Variants in ATP10B observed in about 807,000 individuals in gnomAD.
The protein encoded by ATP10B is ATPase phospholipid transporting 10B (putative), also known as phospholipid-transporting ATPase VB.
In ATP10B, 122 loss-of-function variants were observed where a neutral mutation model predicts 141.2. That is an observed-to-expected ratio of 0.86 (90% CI 0.75 to 1.00). The LOEUF (loss-of-function observed/expected upper bound fraction) is 1.00. ATP10B is among the 50% of genes least tolerant of loss of function. The pLI is 0.00. For missense variants in ATP10B, 1,876 were observed against 1,825.3 expected, an observed-to-expected ratio of 1.03 and a Z score of -0.51; for synonymous variants, 685 against 692.0, an observed-to-expected ratio of 0.99 and a Z score of 0.16.
At chr5:160,620,990 G>A in intron 14 of ATP10B, 40 bp from the exon 15 acceptor site, 2 of 1,564,374 alleles carry the variant, frequency 1.3e-6, no homozygotes, top group South Asian at 1.2e-5. Flanking sequence ...TACTCTCAAT[G>A]TTGGAAATAA....
At chr5:160,804,953 C>T (rs140128784) in intron 1 of ATP10B, among the ~76,000 whole-genome samples, 145 of 152,226 alleles carry the variant, frequency 9.5e-4, no homozygotes, top group African/African-American at 3.5e-3. Context: ...ATTATGTGTA[C>T]CAAAAAATGG....
intron 1 of ATP10B, among the ~76,000 whole-genome samples, chr5:160,818,799 C>G (rs1376170352): frequency 6.6e-6 from 1 of 152,190 alleles, no homozygotes; most frequent in Non-Finnish European, 1.5e-5. Context: ...CACATGTACA[C>G]CATGGAATAC....
chr5:160,781,239 G>A (rs1015087252), intron 2 of ATP10B, among the ~76,000 whole-genome samples: 2 of 152,164 alleles, frequency 1.3e-5, no homozygotes, highest in Admixed American at 1.3e-4. Flanking sequence ...GGATGGTCTG[G>A]GTGAGGCCTA....
At chr5:160,634,004 C>G (rs1759139919) in intron 12 of ATP10B, 1 of 382,930 alleles carries the variant, frequency 2.6e-6, no homozygotes, top group Non-Finnish European at 5.0e-6. Context: ...TGAGAAATTC[C>G]TAAGCCTTGG....
At chr5:160,698,421 T>A (rs1400190272) in intron 3 of ATP10B, among the ~76,000 whole-genome samples, 1 of 152,222 alleles carries the variant, frequency 6.6e-6, no homozygotes, top group African/African-American at 2.4e-5. Flanking sequence ...ATTATAATTT[T>A]ATTCAAAGGC....
At position 160,716,997 on chromosome 5, in the gene ATP10B, T is replaced by C. The variant is rs548593228; in HGVS notation, c.-293A>G. On this transcript the variant is annotated 5_prime_UTR_variant, in exon 3 of 26. Coordinates refer to ENST00000327245, the MANE Select transcript of ATP10B (RefSeq NM_025153.3). ...GGAAGAGGGGGCAGATGTAGTACTTTAGCTGGGCAAATTGTTGATCAGAAT... is the reference window on the plus strand; with the variant it reads ...GGAAGAGGGGGCAGATGTAGTACTTCAGCTGGGCAAATTGTTGATCAGAAT... The C allele has an allele frequency of 4.1e-6, 4 of 985,420 alleles. No individual in the cohort carries two copies. Among genetic ancestry groups the C allele is most frequent in the South Asian group, 4.7e-5 (1 of 21,284 alleles). The allele number at this position is 985,420 out of a possible 1,614,324, so 61.0% of individuals were successfully genotyped here.
chr5:160,820,121 G>A (rs182731014), intron 1 of ATP10B, among the ~76,000 whole-genome samples: 273 of 148,140 alleles, frequency 1.8e-3, no homozygotes, highest in African/African-American at 6.5e-3. Context: ...AAACAACATT[G>A]ACCAATCTTT....
At chr5:160,838,036 C>T (rs191269693) in intron 1 of ATP10B, among the ~76,000 whole-genome samples, 206 of 152,210 alleles carry the variant, frequency 1.4e-3, no homozygotes, top group African/African-American at 4.6e-3. Context: ...AAGATTATGC[C>T]GGTACTTAAA....
In ATP10B at chr5:160,763,430, C is replaced by T. The variant is rs147142093; in HGVS notation, c.-331+22129G>A. On this transcript the variant is annotated intron_variant, in intron 2 of 25. Coordinates refer to ENST00000327245, the MANE Select transcript of ATP10B (RefSeq NM_025153.3). Reference sequence around the variant, plus strand: ...ACGAACCTTCAAAACTATACAAATACATGGAAATTAACAATCTGCTCCTGA... The same window carrying T: ...ACGAACCTTCAAAACTATACAAATATATGGAAATTAACAATCTGCTCCTGA... Among the ~76,000 whole-genome samples, 29 of 152,172 alleles carry T rather than the reference C, an allele frequency of 1.9e-4. No homozygotes were observed. In the East Asian group the frequency reaches 5.4e-3, roughly 28 times the overall value.
At position 160,749,891 on chromosome 5, in the gene ATP10B, C is replaced by T. The variant is rs550896164; in HGVS notation, c.-330-32857G>A. 5.3e-5 allele frequency among the ~76,000 whole-genome samples: 8 copies of T among 152,238 alleles called. No individual in the cohort carries two copies. In the South Asian group the frequency reaches 1.7e-3, roughly 32 times the overall value. ...ATCTTCATGGCACTCTACCATGTGCCACCTTTAGCATTCTTGCTGTAAATT... is the reference window on the plus strand; with the variant it reads ...ATCTTCATGGCACTCTACCATGTGCTACCTTTAGCATTCTTGCTGTAAATT... On this transcript the variant is annotated intron_variant, in intron 2 of 25. Transcript: ENST00000327245.
intron 18 of ATP10B, among the ~76,000 whole-genome samples, chr5:160,610,078 C>T (rs111801403): frequency 1.1e-3 from 169 of 152,250 alleles, no homozygotes; most frequent in African/African-American, 4.0e-3. Context: ...ATCTCCACTT[C>T]CTGGTATTCA....
intron 7 of ATP10B, among the ~76,000 whole-genome samples, chr5:160,655,359 C>T (rs1314436022): frequency 6.6e-6 from 1 of 151,974 alleles, no homozygotes; most frequent in Non-Finnish European, 1.5e-5. Flanking sequence ...CCCCGCCAAT[C>T]AGAATTGCTC....
the ATP10B span, among the ~76,000 whole-genome samples, chr5:160,906,068 CCTGA>C: frequency 2.6e-5 from 4 of 152,248 alleles, no homozygotes; most frequent in East Asian, 1.9e-4. Flanking sequence ...CAAGAAGTTA[CCTGA>C]CTTTTAGATT....
chr5:160,919,767 C>A, the ATP10B span, among the ~76,000 whole-genome samples: 1 of 152,166 alleles, frequency 6.6e-6, no homozygotes, highest in Admixed American at 6.5e-5. Flanking sequence ...TCCGCTAGCT[C>A]TCTTTACACT....
chr5:160,819,505 T>TGG (rs1773941252), intron 1 of ATP10B, among the ~76,000 whole-genome samples: 1 of 152,174 alleles, frequency 6.6e-6, no homozygotes, highest in Admixed American at 6.5e-5. Flanking sequence ...TTACTGGTTA[T>TGG]GGTAAGTACA....
the ATP10B span, among the ~76,000 whole-genome samples, chr5:160,920,912 T>C: frequency 6.6e-6 from 1 of 152,184 alleles, no homozygotes; most frequent in African/African-American, 2.4e-5. Flanking sequence ...GAACCACAGT[T>C]TTAAGGATAC....
intron 1 of ATP10B, among the ~76,000 whole-genome samples, chr5:160,839,265 T>G (rs1775673343): frequency 6.6e-6 from 1 of 152,124 alleles, no homozygotes; most frequent in Non-Finnish European, 1.5e-5. Context: ...TGTGAAGGAC[T>G]TCAGATGAGA....
chr5:160,676,118 TA>T, intron 6 of ATP10B, among the ~76,000 whole-genome samples: 1 of 152,278 alleles, frequency 6.6e-6, no homozygotes, highest in Admixed American at 6.5e-5. Context: ...ATTAATACAG[TA>T]TAAAGTTCTT....
intron 1 of ATP10B, among the ~76,000 whole-genome samples, chr5:160,820,501 G>A (rs1235773041): frequency 6.6e-6 from 1 of 151,964 alleles, no homozygotes; most frequent in African/African-American, 2.4e-5. Flanking sequence ...AAACTATTCT[G>A]AAAAATAGAG....
Sources: allele counts gnomAD v4.1 joint callset (sites outside exome capture counted in the v4.1 genomes callset), GRCh38; gene constraint gnomAD v4.1.1; transcripts MANE v1.5; gene names NCBI Gene and HGNC (gene_info 2026-07-23, HGNC 2026-07-21).